MAGI2: variants seen among roughly 807,000 people sequenced by gnomAD.
The protein encoded by MAGI2 is membrane associated guanylate kinase, WW and PDZ domain containing 2, also known as membrane-associated guanylate kinase, WW and PDZ domain-containing protein 2.
In MAGI2, 35 loss-of-function variants were observed where a neutral mutation model predicts 133.3. The ratio of observed to expected loss-of-function variants is 0.26; its 90% CI spans 0.20 to 0.35. MAGI2 has a LOEUF of 0.35. Ranked by LOEUF, MAGI2 falls within the 10% of genes least tolerant of loss-of-function variation. The pLI is 1.00. For missense variants in MAGI2, 1,636 were observed against 1,863.4 expected (o/e 0.88, Z 2.25); for synonymous variants, 729 against 710.6 (o/e 1.03, Z -0.41).
chr7:78,838,038 A>G (rs1379064278), intron 2 of MAGI2, among the ~76,000 whole-genome samples: 3 of 152,090 alleles, frequency 2.0e-5, no homozygotes, highest in Admixed American at 1.3e-4. Flanking sequence ...TTGTAGATTG[A>G]CTCTCCTCAT....
chr7:79,032,541 C>A (rs1810705452), intron 1 of MAGI2, among the ~76,000 whole-genome samples: 1 of 146,554 alleles, frequency 6.8e-6, no homozygotes, highest in Non-Finnish European at 1.5e-5. Context: ...AAAAAGACTG[C>A]AGGGCACATT....
At chr7:78,568,054 C>G (rs987566430) in intron 3 of MAGI2, 1 of 152,204 alleles carries the variant, frequency 6.6e-6, no homozygotes, top group Admixed American at 6.5e-5. Flanking sequence ...ACACTTTCTT[C>G]AGTTAATTTC....
intron 1 of MAGI2, among the ~76,000 whole-genome samples, chr7:79,149,871 G>T (rs1235099862): frequency 6.6e-6 from 1 of 152,120 alleles, no homozygotes; most frequent in Non-Finnish European, 1.5e-5. Flanking sequence ...TTTTAAAAAT[G>T]GCATTTAAAT....
At chr7:79,372,059 A>C (rs985950774) in intron 1 of MAGI2, among the ~76,000 whole-genome samples, 2 of 152,132 alleles carry the variant, frequency 1.3e-5, no homozygotes, top group Admixed American at 6.6e-5. Context: ...TTTTATGGGT[A>C]AAAAACTGAG....
At chr7:79,119,325 T>C (rs2215585) in intron 1 of MAGI2, among the ~76,000 whole-genome samples, 108,751 of 151,936 alleles carry the variant, frequency 0.72, 40,890 homozygotes, top group Non-Finnish European at 0.85. Context: ...AGCAACGGTA[T>C]GAATCAAGTG....
intron 1 of MAGI2, among the ~76,000 whole-genome samples, chr7:79,080,014 A>AT (rs1010095967): frequency 5.6e-4 from 85 of 152,128 alleles, no homozygotes; most frequent in African/African-American, 2.0e-3. Flanking sequence ...AACAGAGTTC[A>AT]TTTTTTTGCA....
intron 2 of MAGI2, among the ~76,000 whole-genome samples, chr7:78,998,341 A>G (rs1018172229): frequency 1.3e-5 from 2 of 152,208 alleles, no homozygotes; most frequent in African/African-American, 4.8e-5. Flanking sequence ...TAAAATACAG[A>G]AAAGTAAGCC....
chr7:78,280,705 A>C (rs1487103066), intron 9 of MAGI2, among the ~76,000 whole-genome samples: 4 of 152,166 alleles, frequency 2.6e-5, no homozygotes, highest in South Asian at 4.1e-4. Context: ...GGGTGGAACC[A>C]TAAAGCCTTG....
At chr7:79,451,032 C>T (rs1849204483) in intron 1 of MAGI2, among the ~76,000 whole-genome samples, 2 of 152,168 alleles carry the variant, frequency 1.3e-5, no homozygotes, top group South Asian at 4.1e-4. Flanking sequence ...TTCACTTCTC[C>T]ACGTTAAGTC....
chr7:78,982,512 A>T (rs1329221488), intron 2 of MAGI2, among the ~76,000 whole-genome samples: 1 of 151,796 alleles, frequency 6.6e-6, no homozygotes, highest in African/African-American at 2.4e-5. Context: ...TTTAGCAGTT[A>T]ATTTTTTTTA....
intron 2 of MAGI2, among the ~76,000 whole-genome samples, chr7:78,956,556 TCTGA>T (rs1802395800): frequency 6.6e-6 from 1 of 152,216 alleles, no homozygotes; most frequent in South Asian, 2.1e-4. Context: ...AGTGCTGATT[TCTGA>T]CTATTTCCTA....
At chr7:79,365,084 A>G (rs377658172) in intron 1 of MAGI2, among the ~76,000 whole-genome samples, 2 of 152,188 alleles carry the variant, frequency 1.3e-5, no homozygotes, top group African/African-American at 4.8e-5. Flanking sequence ...AAAGACATGA[A>G]CATTCATTTC....
chr7:79,073,099 C>T (rs1219502970), intron 1 of MAGI2, among the ~76,000 whole-genome samples: 1 of 152,160 alleles, frequency 6.6e-6, no homozygotes. Flanking sequence ...AAAGAGCTTG[C>T]TTATGTCATC....
At chr7:79,346,180 T>A (rs1841299272) in intron 1 of MAGI2, among the ~76,000 whole-genome samples, 1 of 151,992 alleles carries the variant, frequency 6.6e-6, no homozygotes, top group Non-Finnish European at 1.5e-5. Context: ...GAAGCCATCA[T>A]TATTGTTTTC....
chr7:79,247,996 T>C (rs2129555462), intron 1 of MAGI2, among the ~76,000 whole-genome samples: 1 of 152,092 alleles, frequency 6.6e-6, no homozygotes, highest in East Asian at 1.9e-4. Context: ...AATAACAAAA[T>C]GGCAGGAGTA....
intron 1 of MAGI2, among the ~76,000 whole-genome samples, chr7:79,452,210 GGACAACCATTCATCTCCTCC>G (rs987650268): frequency 8.6e-5 from 13 of 151,972 alleles, no homozygotes; most frequent in Non-Finnish European, 1.6e-4. Context: ...AAGTCCATGC[GGACAACCATTCATCTCCTCC>G]GACAACCATT....
At chr7:78,668,668 T>A (rs1813940350) in intron 2 of MAGI2, among the ~76,000 whole-genome samples, 1 of 152,044 alleles carries the variant, frequency 6.6e-6, no homozygotes, top group African/African-American at 2.4e-5. Context: ...CCCCATTGCT[T>A]GTTTTTCTCA....
chr7:78,298,436 T>G (rs1233188961), intron 9 of MAGI2, among the ~76,000 whole-genome samples: 1 of 152,170 alleles, frequency 6.6e-6, no homozygotes, highest in Non-Finnish European at 1.5e-5. Context: ...GGTAAGATGT[T>G]AAGAAGAGAA....
At chr7:79,320,455 G>C (rs1273420422) in intron 1 of MAGI2, among the ~76,000 whole-genome samples, 2 of 152,020 alleles carry the variant, frequency 1.3e-5, no homozygotes. Context: ...ACATATGAAT[G>C]TTTAAAAGTT....
Sources: allele counts gnomAD v4.1 joint callset (sites outside exome capture counted in the v4.1 genomes callset), GRCh38; gene constraint gnomAD v4.1.1; transcripts MANE v1.5; gene names NCBI Gene and HGNC (gene_info 2026-07-23, HGNC 2026-07-21).